The following ARHGEF10L variants were observed in gnomAD, a reference collection of about 807,000 sequenced individuals.
ARHGEF10L encodes Rho guanine nucleotide exchange factor 10 like.
Under a neutral mutation model 141.2 loss-of-function variants are expected in ARHGEF10L, and 69 were observed. That is an observed-to-expected ratio of 0.49 (90% CI 0.40 to 0.60). The LOEUF is 0.60. Ranked by LOEUF, ARHGEF10L falls within the 20% of genes least tolerant of loss-of-function variation. The pLI is 0.00. For synonymous variants in ARHGEF10L, 711 were observed against 718.5 expected, an observed-to-expected ratio of 0.99 and a Z score of 0.17; for missense variants, 1,482 against 1,734.3, an observed-to-expected ratio of 0.85 and a Z score of 2.58.
At chr1:17,691,170 A>G (rs772385384) in intron 27 of ARHGEF10L, 270 of 454,860 alleles carry the variant, frequency 5.9e-4, no homozygotes, top group African/African-American at 4.7e-3. Context: ...TTAAAGTTGT[A>G]TATCTCCAGA....
At chr1:17,582,325 A>G (rs1466458659) in intron 2 of ARHGEF10L, among the ~76,000 whole-genome samples, 1 of 152,046 alleles carries the variant, frequency 6.6e-6, no homozygotes, top group African/African-American at 2.4e-5. Flanking sequence ...AAAATTTATG[A>G]CTAAGTCAAT....
chr1:17,620,917 G>A (rs1472057276), intron 10 of ARHGEF10L, among the ~76,000 whole-genome samples: 1 of 152,196 alleles, frequency 6.6e-6, no homozygotes, highest in African/African-American at 2.4e-5. Flanking sequence ...AACTTCAGAA[G>A]GTCTGGGGTG....
chr1:17,647,489 G>A (rs1351080453), intron 21 of ARHGEF10L, among the ~76,000 whole-genome samples: 3 of 152,154 alleles, frequency 2.0e-5, no homozygotes, highest in African/African-American at 7.2e-5. Context: ...GGGATCCTCC[G>A]CAGGGAGAAT....
Position 17,660,238 on chromosome 1 carries a change from C to T in ARHGEF10L, c.2860+3530C>T, listed in dbSNP as rs114871974. On this transcript the variant is annotated intron_variant, in intron 25 of 28. Transcript: ENST00000361221. ...GGATGCGGGACTATCCCTGGTTGGG[C>T]GCTGGGGCTGTGGTTCGGAGTCCCC... 2.6e-3 allele frequency among the ~76,000 whole-genome samples: 402 copies of T among 152,232 alleles called. 2 individuals carry two copies. Among genetic ancestry groups the T allele is most frequent in the African/African-American group, 9.0e-3 (375 of 41,556 alleles).
At chr1:17,572,755 C>T (rs910636221) in intron 1 of ARHGEF10L, among the ~76,000 whole-genome samples, 7 of 152,114 alleles carry the variant, frequency 4.6e-5, no homozygotes, top group Non-Finnish European at 7.4e-5. Flanking sequence ...GCAGTAGGTG[C>T]GCAGTGAGAA....
chr1:17,663,210 G>T (rs1299391104), intron 25 of ARHGEF10L, among the ~76,000 whole-genome samples: 2 of 152,186 alleles, frequency 1.3e-5, no homozygotes, highest in Non-Finnish European at 2.9e-5. Context: ...AGGCTCCTAG[G>T]TCTGTTTGGT....
intron 2 of ARHGEF10L, 50 bp from the exon 3 acceptor site, chr1:17,587,410 G>A: frequency 6.3e-7 from 1 of 1,578,292 alleles, no homozygotes; most frequent in Non-Finnish European, 8.6e-7. Context: ...TCTCTCCATT[G>A]ACCAAACCTC....
Position 17,625,988 on chromosome 1 carries a change from C to G in ARHGEF10L, c.1350C>G (p.Thr450=). ...AGGTGTGCAGCCCAGACCGTGTCAC[C>G]CTCTACGGGCTGATGGTCAAGCCCA... The part of the protein sequence containing the change: ...RRQVCSPDRV[T]LYGLMVKPIQ... Residue 450 remains threonine (T), a synonymous_variant, in exon 14 of 29, where the codon ACC becomes ACG. Coordinates refer to ENST00000361221, the MANE Select transcript of ARHGEF10L (RefSeq NM_018125.4). The surrounding 1 kb of genome is among the most constrained non-coding windows in gnomAD (Gnocchi z 4.5). The G allele has an allele frequency of 6.2e-7, 1 of 1,613,960 alleles. No homozygotes were observed. Among genetic ancestry groups the G allele is most frequent in the Non-Finnish European group, 8.5e-7 (1 of 1,179,908 alleles).
At chr1:17,595,297 G>C (rs565068264) in intron 4 of ARHGEF10L, among the ~76,000 whole-genome samples, 46 of 124,092 alleles carry the variant, frequency 3.7e-4, no homozygotes, top group African/African-American at 1.3e-3. Flanking sequence ...GTATTGTTTT[G>C]CAACAACCCA....
chr1:17,679,052 GT>G (rs1477172763), intron 26 of ARHGEF10L, among the ~76,000 whole-genome samples: 5 of 152,226 alleles, frequency 3.3e-5, no homozygotes, highest in African/African-American at 9.6e-5. Context: ...CTGGCCACCA[GT>G]CTTGGAGCTG....
rs1338672092 is a variant in ARHGEF10L at position 17,644,116 on chromosome 1, G to A, written c.2272+3814G>A. 6.6e-6 allele frequency among the ~76,000 whole-genome samples: 1 copy of A among 152,232 alleles called. No individual in the cohort carries two copies. Among genetic ancestry groups the A allele is most frequent in the African/African-American group, 2.4e-5 (1 of 41,464 alleles). ...ATTCCCACCTCTCAAGGGGACATGG[G>A]CCTGGCAGGCCATGGCTAATGCCAA... On this transcript the variant is annotated intron_variant, in intron 21 of 28. Transcript: ENST00000361221. The surrounding 1 kb of genome is among the most constrained non-coding windows in gnomAD (Gnocchi z 4.5).
rs557613556 is a variant in ARHGEF10L, at chr1:17,544,183, C to T, written c.-44+4233C>T. Among the ~76,000 whole-genome samples the T allele has an allele frequency of 2.0e-5, 3 of 151,920 alleles. No homozygotes were observed. In the South Asian group the frequency reaches 6.2e-4, roughly 32 times the overall value. On this transcript the variant is annotated intron_variant, in intron 1 of 28. Transcript: ENST00000361221. ...GGCCAGGCTGGTCTTGAACTGCTGA[C>T]CTCAGGTGGTCCACCTGCCTCAGCC...
Position 17,588,432 on chromosome 1 carries a change from C to T in ARHGEF10L, c.224-14C>T, listed in dbSNP as rs769193323. 1.3e-5 allele frequency: 21 copies of T among 1,613,756 alleles called. No homozygotes were observed. Among genetic ancestry groups the T allele is most frequent in the Non-Finnish European group, 1.8e-5 (21 of 1,179,872 alleles). Reference sequence around the variant, plus strand: ...TCTGGCCTGACAGGCTCTCTGTCTGCTCTTCTTTTGCAGACCCAGACCCAG... The same window carrying T: ...TCTGGCCTGACAGGCTCTCTGTCTGTTCTTCTTTTGCAGACCCAGACCCAG... On this transcript the variant is annotated splice_polypyrimidine_tract_variant and intron_variant, in intron 3 of 28. Coordinates refer to ENST00000361221, the MANE Select transcript of ARHGEF10L (RefSeq NM_018125.4).
At chr1:17,616,861 C>T (rs2059836152) in intron 9 of ARHGEF10L, among the ~76,000 whole-genome samples, 1 of 152,142 alleles carries the variant, frequency 6.6e-6, no homozygotes, top group Non-Finnish European at 1.5e-5. Context: ...GTGCAGAGCC[C>T]CGGATGTGGG....
At chr1:17,556,055 G>A (rs543267984) in intron 1 of ARHGEF10L, among the ~76,000 whole-genome samples, 6 of 148,732 alleles carry the variant, frequency 4.0e-5, no homozygotes, top group East Asian at 2.0e-4. Flanking sequence ...GGGAGCACGG[G>A]GTTGAGCCTG....
chr1:17,621,965 G>A lies in ARHGEF10L; in HGVS notation c.1020+24G>A. On this transcript the variant is annotated intron_variant, in intron 11 of 28. Coordinates refer to ENST00000361221, the MANE Select transcript of ARHGEF10L (RefSeq NM_018125.4). This position sits in a 1 kb window ranked among gnomAD's most constrained non-coding sequence, Gnocchi z 4.1. The stretch of plus-strand genomic sequence containing the variant: ...AGGTGCGACTTCAGGGAGTTCTCAA[G>A]GGTCTCTGGGGAGAAGCAGGGAGGG... The A allele has an allele frequency of 6.2e-7, 1 of 1,613,340 alleles. No homozygotes were observed. The highest frequency in any genetic ancestry group is 1.1e-5 in the South Asian group (1 of 91,060).
intron 14 of ARHGEF10L, 81 bp downstream of exon 14, chr1:17,626,129 A>C: frequency 8.0e-7 from 1 of 1,257,458 alleles, no homozygotes; most frequent in Non-Finnish European, 1.1e-6. Flanking sequence ...AGGAGGGAGG[A>C]GGTCTGGGCT....
At position 17,545,301 on chromosome 1, in the gene ARHGEF10L, A is replaced by G. The variant is rs2076879913; in HGVS notation, c.-44+5351A>G. On this transcript the variant is annotated intron_variant, in intron 1 of 28. Coordinates refer to ENST00000361221, the MANE Select transcript of ARHGEF10L (RefSeq NM_018125.4). ...CACCACTGGGAATCCAGCAATGAGC[A>G]ACTCAGTCCCTCCCTTTGAACTTAC... Among the ~76,000 whole-genome samples, 4 of 152,318 alleles carry G rather than the reference A, an allele frequency of 2.6e-5. No homozygotes were observed. In the South Asian group the frequency reaches 8.3e-4, roughly 32 times the overall value.
chr1:17,588,899 T>TGTGTGTGTGTGTGTG (rs1557758147), intron 4 of ARHGEF10L, among the ~76,000 whole-genome samples: 84 of 30,028 alleles, frequency 2.8e-3, no homozygotes, highest in African/African-American at 7.0e-3. Flanking sequence ...TGTGTGTGTG[T>TGTGTGTGTGTGTGTG]AGTGGGGGAG....
Sources: allele counts gnomAD v4.1 joint callset (sites outside exome capture counted in the v4.1 genomes callset), GRCh38; gene constraint gnomAD v4.1.1; non-coding constraint Gnocchi (gnomAD v3.1); transcripts MANE v1.5; gene names NCBI Gene and HGNC (gene_info 2026-07-23, HGNC 2026-07-21).